The following DPYD variants were observed in gnomAD, a reference collection of about 807,000 sequenced individuals.
DPYD encodes dihydropyrimidine dehydrogenase.
Under a neutral mutation model 116.2 loss-of-function variants are expected in DPYD, and 109 were observed. The ratio of observed to expected loss-of-function variants is 0.94; its 90% CI spans 0.80 to 1.10. DPYD has a LOEUF of 1.10. DPYD is among the 50% of genes least tolerant of loss of function. The probability of loss-of-function intolerance (pLI) is 0.00; values close to 1 mark genes in which losing one functional copy is unlikely to be tolerated. For synonymous variants in DPYD, 440 were observed against 432.0 expected (o/e 1.02, Z -0.23); for missense variants, 1,302 against 1,254.5 (o/e 1.04, Z -0.57).
Position 97,457,049 on chromosome 1 carries a change from C to T in DPYD, c.1741-6826G>A, listed in dbSNP as rs11810136. ...GTGTGTACTTAATCTCAGTCTTGGC[C>T]TAGGCTGAACTGATGGAATGGATAG... On this transcript the variant is annotated intron_variant, in intron 13 of 22. Transcript: ENST00000370192. Among the ~76,000 whole-genome samples the T allele has an allele frequency of 4.3e-3, 651 of 152,098 alleles. 7 individuals carry two copies. The highest frequency in any genetic ancestry group is 0.015 in the African/African-American group (634 of 41,506).
chr1:97,299,954 C>A (rs1165627963), intron 18 of DPYD, among the ~76,000 whole-genome samples: 3 of 152,044 alleles, frequency 2.0e-5, no homozygotes, highest in Non-Finnish European at 2.9e-5. Flanking sequence ...TTCAAATGAG[C>A]ATTATTTAAA....
intron 16 of DPYD, among the ~76,000 whole-genome samples, chr1:97,360,131 C>CAA (rs201420347): frequency 1.4e-5 from 2 of 148,056 alleles, no homozygotes; most frequent in East Asian, 2.0e-4. Flanking sequence ...AAATGGAAAG[C>CAA]AAAAAAAAAG....
chr1:97,312,539 A>G lies in DPYD; in HGVS notation c.2059-6242T>C, dbSNP rs536038004. ...CAATATGGGAAGATTTGTGAAAAGT[A>G]CTATAATCCATACAATGAAATACTA... On this transcript the variant is annotated intron_variant, in intron 16 of 22. Coordinates refer to ENST00000370192, the MANE Select transcript of DPYD (RefSeq NM_000110.4). 4.2e-4 allele frequency among the ~76,000 whole-genome samples: 64 copies of G among 152,022 alleles called. 1 individual carries two copies. In the South Asian group the frequency reaches 0.013, roughly 31 times the overall value.
intron 10 of DPYD, among the ~76,000 whole-genome samples, chr1:97,578,321 T>G (rs1653411411): frequency 1.3e-5 from 2 of 152,018 alleles, no homozygotes; most frequent in South Asian, 4.2e-4. Context: ...CCCATATATT[T>G]GTTACAAAAA....
chr1:97,514,267 T>C (rs1648035327), intron 13 of DPYD: 3 of 981,248 alleles, frequency 3.1e-6, no homozygotes, highest in Non-Finnish European at 3.6e-6. Flanking sequence ...TCACCAACAG[T>C]GTAAAGACTG....
intron 3 of DPYD, among the ~76,000 whole-genome samples, chr1:97,787,988 G>T (rs1667129978): frequency 6.6e-6 from 1 of 152,168 alleles, no homozygotes; most frequent in Non-Finnish European, 1.5e-5. Flanking sequence ...AACACAATGT[G>T]AAAACTACTT....
At chr1:97,273,695 G>C (rs2100902694) in intron 18 of DPYD, among the ~76,000 whole-genome samples, 1 of 152,168 alleles carries the variant, frequency 6.6e-6, no homozygotes, top group African/African-American at 2.4e-5. Flanking sequence ...TTGCTTTTTT[G>C]TAAGACATTT....
intron 20 of DPYD, among the ~76,000 whole-genome samples, chr1:97,124,362 C>A (rs954482924): frequency 6.6e-6 from 1 of 152,032 alleles, no homozygotes; most frequent in Admixed American, 6.6e-5. Context: ...GGCAGAAAGA[C>A]ATGCTAACTG....
chr1:97,368,814 G>A (rs902480568), intron 16 of DPYD, among the ~76,000 whole-genome samples: 2 of 152,210 alleles, frequency 1.3e-5, no homozygotes, highest in African/African-American at 4.8e-5. Flanking sequence ...CTATTCACAT[G>A]CACCAGAAAC....
At chr1:97,218,476 T>C (rs1288317129) in intron 19 of DPYD, among the ~76,000 whole-genome samples, 1 of 151,750 alleles carries the variant, frequency 6.6e-6, no homozygotes, top group African/African-American at 2.4e-5. Flanking sequence ...AGCTTGGTTA[T>C]ATTTTTGGTC....
At chr1:97,581,977 C>T (rs926649820) in intron 10 of DPYD, among the ~76,000 whole-genome samples, 1 of 151,988 alleles carries the variant, frequency 6.6e-6, no homozygotes, top group Non-Finnish European at 1.5e-5. Context: ...ATGTAAACAT[C>T]CTACTGGGAA....
chr1:97,745,346 A>C (rs1360826175), intron 3 of DPYD, among the ~76,000 whole-genome samples: 2 of 152,142 alleles, frequency 1.3e-5, no homozygotes, highest in Admixed American at 6.6e-5. Context: ...TTACAAGTTA[A>C]TGCCAAACAT....
At chr1:97,684,038 G>T (rs956210530) in intron 7 of DPYD, among the ~76,000 whole-genome samples, 1 of 152,032 alleles carries the variant, frequency 6.6e-6, no homozygotes, top group Non-Finnish European at 1.5e-5. Flanking sequence ...TAACAAATAA[G>T]TTCCACTCTG....
intron 10 of DPYD, among the ~76,000 whole-genome samples, chr1:97,583,014 G>T (rs2102217019): frequency 6.6e-6 from 1 of 152,204 alleles, no homozygotes; most frequent in Admixed American, 6.5e-5. Context: ...TGTCGCCCAG[G>T]CTGGAGTGCA....
In DPYD at chr1:97,640,998, T is replaced by C. The variant is rs148929594; in HGVS notation, c.850+38097A>G. Among the ~76,000 whole-genome samples, 42 of 152,310 alleles carry C rather than the reference T, an allele frequency of 2.8e-4. 1 individual carries two copies. The East Asian group carries it at 8.1e-3, about 29-fold the overall frequency. On this transcript the variant is annotated intron_variant, in intron 8 of 22. Transcript: ENST00000370192. ...ATAAAATTCTTCTAGCATAAACTTT[T>C]CCTCTTCAATTTGAAAAGGGAGCCA...
intron 20 of DPYD, among the ~76,000 whole-genome samples, chr1:97,114,888 C>T (rs911138514): frequency 6.6e-6 from 1 of 152,204 alleles, no homozygotes; most frequent in African/African-American, 2.4e-5. Context: ...TCTAAGTAAA[C>T]TGTCTTCCAC....
At chr1:97,305,453 T>C (rs1558014377) in intron 17 of DPYD, 75 bp from the exon 18 acceptor site, 2 of 1,597,674 alleles carry the variant, frequency 1.3e-6, no homozygotes, top group African/African-American at 1.3e-5. Context: ...AACCCTCACA[T>C]CCCAGAAAAA....
At chr1:97,751,483 T>TATATGTATATATATACATATATAC (rs1664918133) in intron 3 of DPYD, among the ~76,000 whole-genome samples, 1 of 129,204 alleles carries the variant, frequency 7.7e-6, no homozygotes. Context: ...TATATATATA[T>TATATGTATATATATACATATATAC]ATATATATAT....
chr1:97,596,815 C>A (rs1571029246), intron 8 of DPYD, among the ~76,000 whole-genome samples: 1 of 152,120 alleles, frequency 6.6e-6, no homozygotes, highest in African/African-American at 2.4e-5. Context: ...ATCCAGCATC[C>A]CCTGAATCTC....
Sources: allele counts gnomAD v4.1 joint callset (sites outside exome capture counted in the v4.1 genomes callset), GRCh38; gene constraint gnomAD v4.1.1; transcripts MANE v1.5; gene names NCBI Gene and HGNC (gene_info 2026-07-23, HGNC 2026-07-21).